Variants in MTUS2 observed in about 807,000 individuals in gnomAD.
The protein encoded by MTUS2 is microtubule associated scaffold protein 2.
A neutral mutation model predicts 114.1 loss-of-function variants in MTUS2; 40 were observed. The observed-to-expected ratio is 0.35, with a 90% CI of 0.27 to 0.46. MTUS2 has a LOEUF of 0.46. MTUS2 is among the 20% of genes least tolerant of loss of function. The pLI, the probability that MTUS2 is intolerant of heterozygous loss-of-function variation, is 1.00. For synonymous variants in MTUS2, 688 were observed against 672.0 expected (o/e 1.02, Z -0.37); for missense variants, 1,679 against 1,705.4 (o/e 0.98, Z 0.27).
intron 9 of MTUS2, among the ~76,000 whole-genome samples, chr13:29,450,518 C>G (rs1307730922): frequency 6.6e-6 from 1 of 152,054 alleles, no homozygotes; most frequent in Non-Finnish European, 1.5e-5. Flanking sequence ...GAAGCTGACT[C>G]AAAATTAAGA....
At chr13:29,405,291 A>G (rs1447609440) in intron 8 of MTUS2, among the ~76,000 whole-genome samples, 3 of 152,216 alleles carry the variant, frequency 2.0e-5, no homozygotes, top group African/African-American at 7.2e-5. Context: ...TTTGCTTCTT[A>G]ATTAAATCAT....
chr13:28,962,147 T>C (rs188202044), intron 2 of MTUS2, among the ~76,000 whole-genome samples: 1 of 152,040 alleles, frequency 6.6e-6, no homozygotes, highest in Admixed American at 6.5e-5. Context: ...TCAGATATTT[T>C]TAACAAATTG....
Position 29,356,501 on chromosome 13 carries a change from G to A in MTUS2, c.2906-2761G>A, listed in dbSNP as rs186183812. On this transcript the variant is annotated intron_variant, in intron 7 of 15. Coordinates refer to ENST00000612955, the MANE Select transcript of MTUS2 (RefSeq NM_001033602.4). ...TTCAACATAAGCTCTCTGTCCCCAA[G>A]GTGGCAGTGAGCCTGAGCTGCGATC... is the stretch of plus-strand genomic sequence containing the variant. Among the ~76,000 whole-genome samples, 295 of 152,324 alleles carry A rather than the reference G, an allele frequency of 1.9e-3. 1 individual carries two copies. The highest frequency in any genetic ancestry group is 6.8e-3 in the African/African-American group (284 of 41,570).
chr13:29,330,710 G>T (rs894594337), intron 7 of MTUS2, among the ~76,000 whole-genome samples: 5 of 152,120 alleles, frequency 3.3e-5, no homozygotes, highest in Non-Finnish European at 5.9e-5. Context: ...CCCATTGCTT[G>T]TTTTTGTCAG....
intron 2 of MTUS2, among the ~76,000 whole-genome samples, chr13:28,932,409 G>C (rs1203493837): frequency 6.6e-6 from 1 of 152,182 alleles, no homozygotes; most frequent in Non-Finnish European, 1.5e-5. Flanking sequence ...TCAGAGACTT[G>C]AGCATCTGTA....
At chr13:28,869,196 C>A (rs1032628862) in intron 2 of MTUS2, among the ~76,000 whole-genome samples, 9 of 152,178 alleles carry the variant, frequency 5.9e-5, no homozygotes, top group African/African-American at 2.2e-4. Flanking sequence ...ACTCGTTGGA[C>A]CTAGCTCTTT....
At chr13:28,935,006 GTTTT>G (rs775863792) in intron 2 of MTUS2, among the ~76,000 whole-genome samples, 1 of 41,446 alleles carries the variant, frequency 2.4e-5, no homozygotes, top group Non-Finnish European at 4.1e-5. Context: ...TCTCCATAGC[GTTTT>G]TTTTTTTTTT....
At chr13:29,360,037 A>G (rs543946055) in intron 8 of MTUS2, among the ~76,000 whole-genome samples, 1 of 152,286 alleles carries the variant, frequency 6.6e-6, no homozygotes, top group East Asian at 1.9e-4. Context: ...CTCCTCTGCA[A>G]ATGTCTGGAT....
intron 5 of MTUS2, chr13:29,239,426 A>G (rs924398649): frequency 2.0e-5 from 3 of 152,196 alleles, no homozygotes; most frequent in African/African-American, 7.2e-5. Context: ...AGTGATACCA[A>G]TACCATGGCT....
chr13:29,182,676 T>C (rs1894055710), intron 5 of MTUS2, among the ~76,000 whole-genome samples: 1 of 152,158 alleles, frequency 6.6e-6, no homozygotes, highest in South Asian at 2.1e-4. Context: ...TAGTAATAAA[T>C]ATAATAAATA....
intron 5 of MTUS2, among the ~76,000 whole-genome samples, chr13:29,278,517 A>T (rs946381349): frequency 6.6e-6 from 1 of 152,248 alleles, no homozygotes; most frequent in African/African-American, 2.4e-5. Context: ...GCCAATAACT[A>T]TGTGAAAAAA....
At chr13:29,297,446 G>A (rs1898998008) in intron 6 of MTUS2, among the ~76,000 whole-genome samples, 1 of 152,154 alleles carries the variant, frequency 6.6e-6, no homozygotes, top group Non-Finnish European at 1.5e-5. Context: ...GAGAAATTAA[G>A]TAACCCCCAC....
At chr13:29,068,014 C>CA (rs1888740078) in intron 4 of MTUS2, among the ~76,000 whole-genome samples, 1 of 152,176 alleles carries the variant, frequency 6.6e-6, no homozygotes, top group African/African-American at 2.4e-5. Flanking sequence ...CTTAATTTTA[C>CA]AACTATACTT....
chr13:28,939,450 T>C (rs1195994738), intron 2 of MTUS2, among the ~76,000 whole-genome samples: 3 of 152,186 alleles, frequency 2.0e-5, no homozygotes, highest in Non-Finnish European at 2.9e-5. Context: ...TGGGGCTGAA[T>C]TGCTTTTTGC....
intron 6 of MTUS2, chr13:29,306,676 A>G (rs949917259): frequency 2.8e-5 from 7 of 247,502 alleles, no homozygotes; most frequent in Admixed American, 1.5e-4. Flanking sequence ...AGGCTCATGG[A>G]TAGAAAGAAT....
At chr13:29,469,880 G>A (rs1880152677) in intron 9 of MTUS2, among the ~76,000 whole-genome samples, 1 of 152,008 alleles carries the variant, frequency 6.6e-6, no homozygotes. Context: ...AGATTTCAAT[G>A]CAGCACTCCT....
intron 7 of MTUS2, among the ~76,000 whole-genome samples, chr13:29,348,224 A>G (rs1164849187): frequency 1.3e-5 from 2 of 152,144 alleles, no homozygotes; most frequent in Non-Finnish European, 2.9e-5. Flanking sequence ...AGCCACCAAG[A>G]CAGTCTATTA....
At chr13:29,367,186 G>A (rs1326844962) in intron 8 of MTUS2, among the ~76,000 whole-genome samples, 7 of 152,094 alleles carry the variant, frequency 4.6e-5, no homozygotes, top group Non-Finnish European at 2.9e-5. Context: ...TGGGGTAGGG[G>A]CGCCTTGAGA....
chr13:29,035,925 G>A (rs746355847), intron 4 of MTUS2, among the ~76,000 whole-genome samples: 6 of 151,918 alleles, frequency 3.9e-5, no homozygotes, highest in Non-Finnish European at 8.8e-5. Context: ...TGGACGGATC[G>A]CTGGAGGCCA....
Sources: allele counts gnomAD v4.1 joint callset (sites outside exome capture counted in the v4.1 genomes callset), GRCh38; gene constraint gnomAD v4.1.1; transcripts MANE v1.5; gene names NCBI Gene and HGNC (gene_info 2026-07-23, HGNC 2026-07-21).